The following CAST variants were observed in gnomAD, a reference collection of about 807,000 sequenced individuals.
The protein encoded by CAST is calpastatin, also known as MIR583 host.
CAST carries 76 observed loss-of-function variants against 119.6 expected under a neutral mutation model. The observed-to-expected ratio is 0.64, with a 90% CI of 0.53 to 0.77. The LOEUF (loss-of-function observed/expected upper bound fraction) is 0.77. Ranked by LOEUF, CAST falls within the 30% of genes least tolerant of loss-of-function variation. The probability of loss-of-function intolerance (pLI) is 0.00; values close to 1 mark genes in which losing one functional copy is unlikely to be tolerated. For synonymous variants in CAST, 319 were observed against 331.6 expected, an observed-to-expected ratio of 0.96 and a Z score of 0.41; for missense variants, 953 against 946.5, an observed-to-expected ratio of 1.01 and a Z score of -0.09.
the CAST span, among the ~76,000 whole-genome samples, chr5:96,258,830 A>G: frequency 6.6e-6 from 1 of 152,260 alleles, no homozygotes; most frequent in Non-Finnish European, 1.5e-5. Flanking sequence ...CCTATGCACT[A>G]TACACCATGG....
chr5:95,961,510 C>G, the CAST span: 1 of 1,379,352 alleles, frequency 7.2e-7, no homozygotes, highest in South Asian at 1.7e-5. Context: ...CGCACCCGGG[C>G]GCGGCCAGGC....
chr5:96,311,938 T>G, the CAST span, among the ~76,000 whole-genome samples: 1 of 152,252 alleles, frequency 6.6e-6, no homozygotes, highest in East Asian at 1.9e-4. Flanking sequence ...AAGGACTTAT[T>G]ATTACTGCAA....
chr5:96,063,083 C>T, the CAST span, among the ~76,000 whole-genome samples: 1 of 152,164 alleles, frequency 6.6e-6, no homozygotes, highest in Non-Finnish European at 1.5e-5. Context: ...AGAGAAAGCA[C>T]ACCAGATCAA....
At chr5:96,422,693 A>T in the CAST span, among the ~76,000 whole-genome samples, 1 of 152,234 alleles carries the variant, frequency 6.6e-6, no homozygotes, top group East Asian at 1.9e-4. Flanking sequence ...TGAGAGAAAA[A>T]CAAGGGATAA....
chr5:96,728,051 G>A (rs937623693), intron 6 of CAST, among the ~76,000 whole-genome samples: 1 of 152,176 alleles, frequency 6.6e-6, no homozygotes, highest in African/African-American at 2.4e-5. Flanking sequence ...CCTGACCCAT[G>A]ACTGTCCAGA....
chr5:96,733,765 T>C (rs1002431974), intron 9 of CAST, among the ~76,000 whole-genome samples: 1 of 152,148 alleles, frequency 6.6e-6, no homozygotes, highest in Admixed American at 6.5e-5. Flanking sequence ...TAATCCCAGC[T>C]ACTCAAGAGG....
chr5:96,367,789 C>T, the CAST span, among the ~76,000 whole-genome samples: 2 of 152,054 alleles, frequency 1.3e-5, no homozygotes, highest in East Asian at 1.9e-4. Flanking sequence ...GGTGATGCCT[C>T]GCCCTGCTTT....
chr5:96,717,987 T>C (rs1757487665), intron 3 of CAST, among the ~76,000 whole-genome samples: 1 of 152,142 alleles, frequency 6.6e-6, no homozygotes, highest in African/African-American at 2.4e-5. Flanking sequence ...TATCCAGGTA[T>C]GGGTGATAGG....
chr5:96,679,859 A>G (rs2150258768), intron 2 of CAST, among the ~76,000 whole-genome samples: 1 of 152,198 alleles, frequency 6.6e-6, no homozygotes, highest in East Asian at 1.9e-4. Flanking sequence ...AGTAATACAT[A>G]CTTGTGAAAA....
chr5:96,084,194 G>C, the CAST span, among the ~76,000 whole-genome samples: 3 of 152,034 alleles, frequency 2.0e-5, no homozygotes, highest in Non-Finnish European at 4.4e-5. Flanking sequence ...TAATAATAAA[G>C]TTCCAATATT....
intron 1 of CAST, among the ~76,000 whole-genome samples, chr5:96,619,909 C>T (rs1409303749): frequency 6.6e-6 from 1 of 152,188 alleles, no homozygotes; most frequent in African/African-American, 2.4e-5. Flanking sequence ...GGTTCTGTAC[C>T]TCACTAACCA....
chr5:96,676,884 C>A (rs925749232), intron 2 of CAST, among the ~76,000 whole-genome samples: 1 of 151,778 alleles, frequency 6.6e-6, no homozygotes, highest in Non-Finnish European at 1.5e-5. Context: ...GAAACCCCTT[C>A]TCTGCTAAAA....
At chr5:96,271,509 T>C in the CAST span, among the ~76,000 whole-genome samples, 1 of 152,080 alleles carries the variant, frequency 6.6e-6, no homozygotes, top group Non-Finnish European at 1.5e-5. Flanking sequence ...AAAAGGACAG[T>C]CTTCTCAATA....
At chr5:96,658,943 G>T (rs1246696879), upstream of CAST, among the ~76,000 whole-genome samples, 1 of 152,246 alleles carries the variant, frequency 6.6e-6, no homozygotes, top group Non-Finnish European at 1.5e-5. Context: ...CAAATGCGAT[G>T]TGGTATCTAC....
the CAST span, among the ~76,000 whole-genome samples, chr5:96,054,987 G>A: frequency 6.6e-6 from 1 of 152,148 alleles, no homozygotes; most frequent in Non-Finnish European, 1.5e-5. Context: ...TTCATAAACA[G>A]CAAAGTACCT....
the CAST span, among the ~76,000 whole-genome samples, chr5:96,172,266 C>T: frequency 6.6e-6 from 1 of 152,178 alleles, no homozygotes; most frequent in Non-Finnish European, 1.5e-5. Context: ...AGGGACTGGC[C>T]ATTTTCACTT....
the CAST span, among the ~76,000 whole-genome samples, chr5:96,025,733 A>C: frequency 6.6e-6 from 1 of 152,232 alleles, no homozygotes; most frequent in Non-Finnish European, 1.5e-5. Flanking sequence ...AATTTGAACT[A>C]ACTGGGGCTG....
the CAST span, among the ~76,000 whole-genome samples, chr5:96,481,268 A>C: frequency 3.3e-5 from 5 of 152,192 alleles, no homozygotes; most frequent in South Asian, 1.0e-3. Context: ...GAATCTACTA[A>C]AAAAAACACC....
At chr5:96,487,554 G>C in the CAST span, among the ~76,000 whole-genome samples, 85 of 152,282 alleles carry the variant, frequency 5.6e-4, 1 homozygote, top group Non-Finnish European at 2.9e-4. Flanking sequence ...TCTATTCTCA[G>C]ACACTAACTG....
Sources: gnomAD v4.1 joint callset for allele counts (sites outside exome capture counted in the v4.1 genomes callset) on GRCh38, gnomAD v4.1.1 for gene constraint, MANE v1.5 for transcripts, NCBI Gene and HGNC (gene_info 2026-07-23, HGNC 2026-07-21) for gene names.